Variants in ALOX5 observed in about 807,000 individuals in gnomAD.
ALOX5 encodes the protein polyunsaturated fatty acid 5-lipoxygenase.
A neutral mutation model predicts 87.9 loss-of-function variants in ALOX5; 64 were observed. The ratio of observed to expected loss-of-function variants is 0.73; its 90% CI spans 0.60 to 0.90. The LOEUF (loss-of-function observed/expected upper bound fraction) is 0.90, where lower values mean the gene tolerates loss of function less well. Ranked by LOEUF, ALOX5 falls within the 40% of genes least tolerant of loss-of-function variation. The pLI is 0.00. For missense variants in ALOX5, 822 were observed against 907.5 expected, an observed-to-expected ratio of 0.91 and a Z score of 1.21; for synonymous variants, 388 against 355.1, an observed-to-expected ratio of 1.09 and a Z score of -1.04.
intron 2 of ALOX5, among the ~76,000 whole-genome samples, chr10:45,391,725 T>G (rs887743135): frequency 1.3e-5 from 2 of 149,554 alleles, no homozygotes; most frequent in Non-Finnish European, 3.0e-5. Flanking sequence ...ATCTGAGATG[T>G]GGGGAGCACC....
chr10:45,439,211 A>G (rs1192938007), intron 7 of ALOX5, among the ~76,000 whole-genome samples: 5 of 152,208 alleles, frequency 3.3e-5, no homozygotes, highest in African/African-American at 7.2e-5. Flanking sequence ...AATATATACA[A>G]TTCCATGTGT....
At chr10:45,421,013 A>G (rs1394208870) in intron 4 of ALOX5, among the ~76,000 whole-genome samples, 1 of 152,230 alleles carries the variant, frequency 6.6e-6, no homozygotes, top group East Asian at 1.9e-4. Context: ...CTGAAGATGC[A>G]GGAGAAAGCT....
At chr10:45,414,885 A>T (rs1841216384) in intron 4 of ALOX5, among the ~76,000 whole-genome samples, 1 of 152,246 alleles carries the variant, frequency 6.6e-6, no homozygotes, top group South Asian at 2.1e-4. Flanking sequence ...CCACAATGAG[A>T]TACCATCTTA....
At chr10:45,378,967 AG>A (rs894013231) in intron 1 of ALOX5, among the ~76,000 whole-genome samples, 1 of 152,152 alleles carries the variant, frequency 6.6e-6, no homozygotes, top group Non-Finnish European at 1.5e-5. Context: ...GCTCTCCACC[AG>A]GTGCCTGCAG....
chr10:45,415,351 C>T (rs1029467534), intron 4 of ALOX5, among the ~76,000 whole-genome samples: 23 of 152,080 alleles, frequency 1.5e-4, no homozygotes, highest in African/African-American at 4.1e-4. Context: ...AACCAAACAC[C>T]GCATGTTCTC....
chr10:45,438,212 T>C (rs545071561), intron 7 of ALOX5, among the ~76,000 whole-genome samples: 2 of 152,156 alleles, frequency 1.3e-5, no homozygotes, highest in South Asian at 4.2e-4. Context: ...CTCTATTGAA[T>C]AGGAGGGGTG....
Position 45,400,337 on chromosome 10 carries a change from C to T in ALOX5, c.431+4401C>T, listed in dbSNP as rs117039533. On this transcript the variant is annotated intron_variant, in intron 3 of 13. Transcript: ENST00000374391. ...AATGAATGCCAAGCGCGGAGGCTCA[C>T]ACCTGTAATCCTAGCACTTTGGGAG... Among the ~76,000 whole-genome samples the T allele has an allele frequency of 8.0e-3, 1,218 of 152,318 alleles. 22 individuals carry two copies. Among genetic ancestry groups the T allele is most frequent in the East Asian group, 0.069 (357 of 5,182 alleles).
chr10:45,428,513 G>A (rs763495791), intron 6 of ALOX5, 105 bp from the exon 7 acceptor site: 6 of 1,411,886 alleles, frequency 4.2e-6, no homozygotes, highest in Non-Finnish European at 5.9e-6. Context: ...CCGCTGAGTC[G>A]CAGGAAAGGG....
Position 45,440,670 on chromosome 10 carries a change from C to T in ALOX5, c.1185+37C>T, listed in dbSNP as rs1410792036. Reference sequence around the variant, plus strand: ...TACCGCCCCACCTGCTATGGGAGGGCATCTGAGATGTGGAGTGGGAGGGAT... The same window carrying T: ...TACCGCCCCACCTGCTATGGGAGGGTATCTGAGATGTGGAGTGGGAGGGAT... On this transcript the variant is annotated intron_variant, in intron 8 of 13. Coordinates refer to ENST00000374391, the MANE Select transcript of ALOX5 (RefSeq NM_000698.5). The T allele has an allele frequency of 3.7e-6, 6 of 1,602,526 alleles. No individual in the cohort carries two copies. The South Asian group carries it at 6.7e-5, about 18-fold the overall frequency.
chr10:45,427,875 G>A (rs1209005749), intron 6 of ALOX5, among the ~76,000 whole-genome samples: 1 of 152,126 alleles, frequency 6.6e-6, no homozygotes, highest in Non-Finnish European at 1.5e-5. Flanking sequence ...CAAAGGGCAC[G>A]GATCCGCGGG....
At chr10:45,442,956 C>A in intron 9 of ALOX5, 82 bp from the exon 10 acceptor site, 2 of 1,465,230 alleles carry the variant, frequency 1.4e-6, no homozygotes, top group Admixed American at 2.1e-5. Flanking sequence ...CTCCTCGCCT[C>A]CCCTGGCACA....
At chr10:45,441,670 A>G in intron 9 of ALOX5, 2 of 379,678 alleles carry the variant, frequency 5.3e-6, no homozygotes, top group Non-Finnish European at 8.9e-6. Context: ...CCCTCCTCCC[A>G]CCCCTCCCCT....
chr10:45,440,376 A>T, intron 7 of ALOX5, 54 bp from the exon 8 acceptor site: 1 of 1,571,468 alleles, frequency 6.4e-7, no homozygotes, highest in Non-Finnish European at 8.7e-7. Flanking sequence ...TTCTCCAACA[A>T]CTATACTCTG....
chr10:45,439,518 C>T (rs74130836), intron 7 of ALOX5, among the ~76,000 whole-genome samples: 5,176 of 152,274 alleles, frequency 0.034, 313 homozygotes, highest in African/African-American at 0.12. Flanking sequence ...CACCTGCTGC[C>T]GGCTCCCGTG....
chr10:45,393,440 G>C (rs1840371059), intron 2 of ALOX5, among the ~76,000 whole-genome samples: 1 of 152,154 alleles, frequency 6.6e-6, no homozygotes, highest in South Asian at 2.1e-4. Context: ...ATTAGGTATT[G>C]ATGGGACGTA....
intron 2 of ALOX5, among the ~76,000 whole-genome samples, chr10:45,391,626 G>A (rs887794204): frequency 1.3e-5 from 2 of 152,032 alleles, no homozygotes; most frequent in South Asian, 2.1e-4. Flanking sequence ...CTGCCCGGCC[G>A]CCATCCTGTC....
chr10:45,441,509 C>A, intron 9 of ALOX5, 79 bp downstream of exon 9: 1 of 1,423,588 alleles, frequency 7.0e-7, no homozygotes, highest in South Asian at 1.2e-5. Flanking sequence ...GATCTAGACA[C>A]CCTTTCAGGA....
chr10:45,384,971 G>A (rs191810504), intron 2 of ALOX5, among the ~76,000 whole-genome samples: 129 of 152,046 alleles, frequency 8.5e-4, no homozygotes, highest in Non-Finnish European at 1.4e-3. Context: ...GCCTCCTAGG[G>A]AGCTTGGTTT....
At chr10:45,374,758 G>C (rs1275912803) in intron 1 of ALOX5, among the ~76,000 whole-genome samples, 1 of 152,178 alleles carries the variant, frequency 6.6e-6, no homozygotes. Flanking sequence ...TTCAAGATCT[G>C]GGCTCCGAGG....
Sources: allele counts gnomAD v4.1 joint callset (sites outside exome capture counted in the v4.1 genomes callset), GRCh38; gene constraint gnomAD v4.1.1; transcripts MANE v1.5; gene names NCBI Gene and HGNC (gene_info 2026-07-23, HGNC 2026-07-21).